The following PCDH15 variants were observed in gnomAD, a reference collection of about 807,000 sequenced individuals.
PCDH15 encodes protocadherin related 15, also known as protocadherin-15.
Under a neutral mutation model 178.5 loss-of-function variants are expected in PCDH15, and 129 were observed. That is an observed-to-expected ratio of 0.72 (90% CI 0.63 to 0.84). The LOEUF (loss-of-function observed/expected upper bound fraction) is 0.84. Among genes scored for constraint, PCDH15 ranks in the 40% least tolerant of loss-of-function variants. The probability of loss-of-function intolerance (pLI) is 0.00; values close to 1 mark genes in which losing one functional copy is unlikely to be tolerated. For synonymous variants in PCDH15, 800 were observed against 732.0 expected, an observed-to-expected ratio of 1.09 and a Z score of -1.50; for missense variants, 2,230 against 2,099.9, an observed-to-expected ratio of 1.06 and a Z score of -1.21.
At chr10:53,973,967 A>G (rs151001445) in intron 21 of PCDH15, among the ~76,000 whole-genome samples, 2 of 151,806 alleles carry the variant, frequency 1.3e-5, no homozygotes, top group East Asian at 2.0e-4. Context: ...CGTTGCCAAC[A>G]TAGAATAATA....
rs190506145 is a variant in PCDH15, at chr10:54,492,634, T to C, written c.157+35178A>G. ...TGCCATTCTGAGTAGCATGATAAAA[T>C]CTGTTACACCTCTCCATTCCTTTTT... On this transcript the variant is annotated intron_variant, in intron 3 of 37. Coordinates refer to ENST00000644397, the MANE Select transcript of PCDH15 (RefSeq NM_001384140.1). 2.0e-3 allele frequency among the ~76,000 whole-genome samples: 310 copies of C among 152,242 alleles called. 1 individual carries two copies. Among genetic ancestry groups the C allele is most frequent in the Admixed American group, 4.7e-3 (71 of 15,258 alleles).
chr10:53,903,434 A>C, intron 25 of PCDH15, 64 bp from the exon 26 acceptor site: 1 of 1,586,688 alleles, frequency 6.3e-7, no homozygotes, highest in South Asian at 1.1e-5. Flanking sequence ...AATGCACTGA[A>C]GTAAATATTT....
chr10:54,403,560 C>T (rs1257063677), intron 3 of PCDH15, among the ~76,000 whole-genome samples: 1 of 151,956 alleles, frequency 6.6e-6, no homozygotes, highest in Non-Finnish European at 1.5e-5. Flanking sequence ...TATCACCACT[C>T]CTATTCAACA....
At chr10:54,853,128 C>T (rs1009821066) in intron 3 of PCDH15, among the ~76,000 whole-genome samples, 7 of 148,838 alleles carry the variant, frequency 4.7e-5, no homozygotes, top group Admixed American at 1.3e-4. Context: ...GGCATGGTGG[C>T]GCATGCCTGT....
intron 2 of PCDH15, among the ~76,000 whole-genome samples, chr10:55,555,286 A>C (rs1300659828): frequency 6.6e-6 from 1 of 152,106 alleles, no homozygotes; most frequent in Non-Finnish European, 1.5e-5. Context: ...TGGGCTCTTC[A>C]ATTATATAAT....
At chr10:55,166,865 A>C (rs575109124) in intron 1 of PCDH15, among the ~76,000 whole-genome samples, 3 of 152,264 alleles carry the variant, frequency 2.0e-5, no homozygotes, top group Admixed American at 1.3e-4. Flanking sequence ...GTCTAATTTA[A>C]AACTTAACTC....
chr10:55,412,879 TCA>T (rs71014485), intron 2 of PCDH15, among the ~76,000 whole-genome samples: 15,256 of 134,578 alleles, frequency 0.11, 836 homozygotes, highest in African/African-American at 0.14. Context: ...TCAACAATAA[TCA>T]CACACACACA....
At position 54,307,040 on chromosome 10, in the gene PCDH15, G is replaced by GTA. The variant is rs1158139613; in HGVS notation, c.876+10229_876+10230dup. ...CATATATATATATATGTGTGTGTGT[G>GTA]TATATATATATATATATATATATAT... On this transcript the variant is annotated intron_variant, in intron 8 of 37. Transcript: ENST00000644397. 1.9e-3 allele frequency among the ~76,000 whole-genome samples: 55 copies of GTA among 29,322 alleles called. 3 individuals are homozygous for GTA. The highest frequency in any genetic ancestry group is 8.0e-3 in the South Asian group (5 of 624). 19.2% of individuals were successfully genotyped at this position (29,322 alleles called of 152,430 possible).
intron 1 of PCDH15, among the ~76,000 whole-genome samples, chr10:54,731,088 G>T (rs889109211): frequency 3.3e-5 from 5 of 151,348 alleles, no homozygotes; most frequent in African/African-American, 1.2e-4. Context: ...ATTAAAAATG[G>T]GTAGAAGATC....
intron 2 of PCDH15, among the ~76,000 whole-genome samples, chr10:55,127,566 G>A (rs1837933626): frequency 6.6e-6 from 1 of 151,998 alleles, no homozygotes; most frequent in Non-Finnish European, 1.5e-5. Flanking sequence ...AGGACCCATT[G>A]AAAAGACTAT....
chr10:54,325,443 C>T (rs1937739416), intron 7 of PCDH15, among the ~76,000 whole-genome samples: 1 of 151,818 alleles, frequency 6.6e-6, no homozygotes, highest in Non-Finnish European at 1.5e-5. Flanking sequence ...TTGTGCATAC[C>T]ACCAACACAA....
rs141115224 is a variant in PCDH15, at chr10:54,672,093, T to C, written c.-28-7803A>G. 1.6e-3 allele frequency among the ~76,000 whole-genome samples: 245 copies of C among 152,172 alleles called. 4 individuals are homozygous for C. Among genetic ancestry groups the C allele is most frequent in the African/African-American group, 5.7e-3 (237 of 41,524 alleles). ...GCATGTTCCTTACGAGAATCTAATG[T>C]CTGATGATTGATCTGTCATTGTCTC... is the stretch of plus-strand genomic sequence containing the variant. On this transcript the variant is annotated intron_variant, in intron 1 of 37. Coordinates refer to ENST00000644397, the MANE Select transcript of PCDH15 (RefSeq NM_001384140.1).
chr10:55,183,246 T>C (rs558569972), intron 1 of PCDH15, among the ~76,000 whole-genome samples: 1 of 152,106 alleles, frequency 6.6e-6, no homozygotes, highest in African/African-American at 2.4e-5. Context: ...ATTTTAGAAA[T>C]ATTGTCAAGT....
At chr10:54,657,712 A>T (rs1045800278) in intron 2 of PCDH15, among the ~76,000 whole-genome samples, 10 of 152,336 alleles carry the variant, frequency 6.6e-5, no homozygotes, top group Non-Finnish European at 1.2e-4. Context: ...AGGAAAAATA[A>T]ATGATAGAAA....
chr10:55,624,405 T>A (rs1435233667), intron 2 of PCDH15, among the ~76,000 whole-genome samples: 3 of 152,068 alleles, frequency 2.0e-5, no homozygotes, highest in East Asian at 1.9e-4. Flanking sequence ...CATTTTTTTT[T>A]AATTTCGACA....
chr10:55,215,947 A>G (rs770377359), intron 1 of PCDH15, among the ~76,000 whole-genome samples: 2 of 152,020 alleles, frequency 1.3e-5, no homozygotes, highest in Non-Finnish European at 2.9e-5. Context: ...GTATGGGAGT[A>G]GAGAAAGCAT....
intron 1 of PCDH15, among the ~76,000 whole-genome samples, chr10:55,276,830 T>A (rs982925244): frequency 3.3e-5 from 5 of 151,306 alleles, no homozygotes; most frequent in African/African-American, 1.2e-4. Flanking sequence ...TTTTACTTAC[T>A]GTTATGCATA....
intron 21 of PCDH15, among the ~76,000 whole-genome samples, chr10:53,963,712 T>C (rs547592975): frequency 6.6e-5 from 10 of 152,314 alleles, no homozygotes; most frequent in Admixed American, 2.6e-4. Flanking sequence ...TAAGGTGTTC[T>C]ATCTGAAAGC....
chr10:54,351,771 T>G (rs1396146595), intron 5 of PCDH15, among the ~76,000 whole-genome samples: 2 of 152,146 alleles, frequency 1.3e-5, no homozygotes, highest in Non-Finnish European at 2.9e-5. Context: ...TTTTTTTGCT[T>G]CCATGAAGAA....
Sources: gnomAD v4.1 joint callset for allele counts (sites outside exome capture counted in the v4.1 genomes callset) on GRCh38, gnomAD v4.1.1 for gene constraint, MANE v1.5 for transcripts, NCBI Gene and HGNC (gene_info 2026-07-23, HGNC 2026-07-21) for gene names.